SPATS2L: variants seen among roughly 807,000 people sequenced by gnomAD.
SPATS2L encodes the protein spermatogenesis associated serine rich 2 like, also known as SPATS2-like protein.
SPATS2L carries 30 observed loss-of-function variants against 59.6 expected under a neutral mutation model. The ratio of observed to expected loss-of-function variants is 0.50; its 90% CI spans 0.38 to 0.68. The LOEUF (loss-of-function observed/expected upper bound fraction) is 0.68. SPATS2L is among the 30% of genes least tolerant of loss of function. SPATS2L has a pLI of 0.00. For synonymous variants in SPATS2L, 252 were observed against 263.5 expected (o/e 0.96, Z 0.42); for missense variants, 615 against 700.0 (o/e 0.88, Z 1.37).
intron 3 of SPATS2L, chr2:200,390,919 T>C (rs1260942509): frequency 6.6e-6 from 1 of 150,720 alleles, no homozygotes; most frequent in African/African-American, 2.4e-5. Context: ...CCCAGCACTT[T>C]AGGAGGCTGA....
intron 6 of SPATS2L, among the ~76,000 whole-genome samples, chr2:200,425,181 A>G (rs962772795): frequency 1.2e-4 from 16 of 129,552 alleles, no homozygotes; most frequent in African/African-American, 1.5e-4. Flanking sequence ...CAACAAAAAC[A>G]CCTCACCACC....
At position 200,479,281 on chromosome 2, in the gene SPATS2L, C is replaced by A; in HGVS notation, c.*1250C>A. ...CATTCAGAATTGTGGCAAAGGGCCACCATGCTCTTAAGACTCAAGTCTATT... is the reference window on the plus strand; with the variant it reads ...CATTCAGAATTGTGGCAAAGGGCCAACATGCTCTTAAGACTCAAGTCTATT... On this transcript the variant is annotated 3_prime_UTR_variant, in exon 13 of 13. Transcript: ENST00000409140. 3.1e-6 allele frequency: 1 copy of A among 327,124 alleles called. No individual in the cohort carries two copies. The highest frequency in any genetic ancestry group is 5.5e-6 in the Non-Finnish European group (1 of 181,070). 20.3% of individuals were successfully genotyped at this position (327,124 alleles called of 1,614,324 possible).
intron 2 of SPATS2L, among the ~76,000 whole-genome samples, chr2:200,385,307 T>A (rs936654375): frequency 9.9e-5 from 15 of 152,214 alleles, no homozygotes; most frequent in Non-Finnish European, 2.1e-4. Context: ...GGCTTCACGT[T>A]GCTAAACCCT....
At chr2:200,350,638 C>T (rs2080690360) in intron 2 of SPATS2L, among the ~76,000 whole-genome samples, 1 of 152,142 alleles carries the variant, frequency 6.6e-6, no homozygotes, top group Non-Finnish European at 1.5e-5. Flanking sequence ...ATATTCGTGC[C>T]TCAGCCTCCC....
At chr2:200,436,968 T>C (rs2084340651) in intron 6 of SPATS2L, among the ~76,000 whole-genome samples, 1 of 152,064 alleles carries the variant, frequency 6.6e-6, no homozygotes, top group Non-Finnish European at 1.5e-5. Context: ...GAGATCTGCT[T>C]GTTTAAAAGT....
chr2:200,339,047 G>A (rs542145540), intron 2 of SPATS2L, among the ~76,000 whole-genome samples: 8 of 152,190 alleles, frequency 5.3e-5, no homozygotes, highest in Non-Finnish European at 1.0e-4. Context: ...CAGGCATGCC[G>A]AACGATGTCA....
chr2:200,330,930 C>A (rs2079923668), intron 2 of SPATS2L, among the ~76,000 whole-genome samples: 1 of 152,214 alleles, frequency 6.6e-6, no homozygotes, highest in Admixed American at 6.5e-5. Flanking sequence ...GACATCCCTT[C>A]TGTAACTGGT....
intron 1 of SPATS2L, among the ~76,000 whole-genome samples, chr2:200,315,263 G>A (rs943775336): frequency 1.3e-5 from 2 of 152,284 alleles, no homozygotes; most frequent in East Asian, 3.9e-4. Flanking sequence ...GCTTCTGAAC[G>A]CTATAGCCAG....
chr2:200,347,870 A>G (rs1046311473), intron 2 of SPATS2L, among the ~76,000 whole-genome samples: 1 of 152,238 alleles, frequency 6.6e-6, no homozygotes, highest in African/African-American at 2.4e-5. Flanking sequence ...AGGCTGCACC[A>G]TTAATCTGGA....
At chr2:200,349,409 G>A (rs2080638439) in intron 2 of SPATS2L, among the ~76,000 whole-genome samples, 1 of 152,234 alleles carries the variant, frequency 6.6e-6, no homozygotes, top group South Asian at 2.1e-4. Flanking sequence ...GCTGTGGCAG[G>A]TGGATCGTTT....
At chr2:200,356,539 T>C (rs1245442224) in intron 2 of SPATS2L, among the ~76,000 whole-genome samples, 1 of 152,124 alleles carries the variant, frequency 6.6e-6, no homozygotes, top group Non-Finnish European at 1.5e-5. Flanking sequence ...TCTCCCAAAA[T>C]ATAGAAACAT....
intron 8 of SPATS2L, among the ~76,000 whole-genome samples, chr2:200,451,404 CAGAA>C (rs2085435063): frequency 1.3e-5 from 2 of 152,170 alleles, no homozygotes; most frequent in African/African-American, 4.8e-5. Flanking sequence ...CCTCTCAAAT[CAGAA>C]AGTTCATTTA....
At chr2:200,436,894 C>G (rs963647029) in intron 6 of SPATS2L, among the ~76,000 whole-genome samples, 10 of 152,054 alleles carry the variant, frequency 6.6e-5, no homozygotes, top group Non-Finnish European at 1.0e-4. Flanking sequence ...GGGGCAGATC[C>G]CTCATGAATG....
At chr2:200,424,787 G>C (rs1338784306) in intron 6 of SPATS2L, among the ~76,000 whole-genome samples, 1 of 152,176 alleles carries the variant, frequency 6.6e-6, no homozygotes, top group East Asian at 1.9e-4. Context: ...CAGCTTCCCA[G>C]AGATAAACTG....
chr2:200,356,311 T>C (rs1190186633), intron 2 of SPATS2L, among the ~76,000 whole-genome samples: 1 of 152,150 alleles, frequency 6.6e-6, no homozygotes, highest in Non-Finnish European at 1.5e-5. Context: ...GTAATAATAA[T>C]GATGGCACTA....
chr2:200,309,515 T>C (rs1387916810), intron 1 of SPATS2L, among the ~76,000 whole-genome samples: 5 of 152,216 alleles, frequency 3.3e-5, no homozygotes, highest in Non-Finnish European at 5.9e-5. Flanking sequence ...TTAAATCATA[T>C]GTTTTTTATA....
intron 2 of SPATS2L, among the ~76,000 whole-genome samples, chr2:200,338,712 A>AAG (rs1441102910): frequency 6.6e-6 from 1 of 152,204 alleles, no homozygotes; most frequent in East Asian, 1.9e-4. Context: ...CCTACTTTAT[A>AAG]GAATTTTGTT....
At chr2:200,404,984 A>T (rs1020137108) in intron 3 of SPATS2L, among the ~76,000 whole-genome samples, 12 of 152,124 alleles carry the variant, frequency 7.9e-5, no homozygotes, top group African/African-American at 2.9e-4. Context: ...ATAATCCGGG[A>T]TGATCTCCCC....
chr2:200,397,440 G>A (rs1440739506), intron 3 of SPATS2L, among the ~76,000 whole-genome samples: 1 of 152,076 alleles, frequency 6.6e-6, no homozygotes. Flanking sequence ...TCCTAACCTT[G>A]TACACTGGAA....
Sources: gnomAD v4.1 joint callset for allele counts (sites outside exome capture counted in the v4.1 genomes callset) on GRCh38, gnomAD v4.1.1 for gene constraint, MANE v1.5 for transcripts, NCBI Gene and HGNC (gene_info 2026-07-23, HGNC 2026-07-21) for gene names.